EYS: variants seen among roughly 807,000 people sequenced by gnomAD.
EYS encodes the protein EGF-like photoreceptor maintenance factor, also known as protein eyes shut homolog.
A neutral mutation model predicts 282.1 loss-of-function variants in EYS; 250 were observed. That is an observed-to-expected ratio of 0.89 (90% CI 0.80 to 0.98). The LOEUF (loss-of-function observed/expected upper bound fraction) is 0.98, where lower values mean the gene tolerates loss of function less well. Among genes scored for constraint, EYS ranks in the 50% least tolerant of loss-of-function variants. EYS has a pLI of 0.00. For synonymous variants in EYS, 1,355 were observed against 1,282.9 expected, an observed-to-expected ratio of 1.06 and a Z score of -1.20; for missense variants, 4,016 against 3,709.0, an observed-to-expected ratio of 1.08 and a Z score of -2.15.
chr6:64,450,556 T>A (rs978420070), intron 26 of EYS, among the ~76,000 whole-genome samples: 1 of 152,136 alleles, frequency 6.6e-6, no homozygotes, highest in African/African-American at 2.4e-5. Flanking sequence ...AGAATATACA[T>A]TCTTTCAGCA....
intron 33 of EYS, among the ~76,000 whole-genome samples, chr6:64,061,050 G>A (rs1429921103): frequency 6.6e-6 from 1 of 152,146 alleles, no homozygotes; most frequent in Non-Finnish European, 1.5e-5. Flanking sequence ...AGGTATTAGG[G>A]TGTACCTTCA....
chr6:64,785,964 T>C (rs914175922), intron 22 of EYS, among the ~76,000 whole-genome samples: 1 of 152,158 alleles, frequency 6.6e-6, no homozygotes, highest in Admixed American at 6.5e-5. Context: ...ACCAACAAAA[T>C]AAGAATTCCT....
rs564590660 is a variant in EYS at position 65,244,812 on chromosome 6, G to A, written c.2023+51051C>T. Reference sequence around the variant, plus strand: ...GCTGGGATTACAGGCTTGAGCCACCGCGCCTGGCCCGAACTTATTTCTACC... The same window carrying A: ...GCTGGGATTACAGGCTTGAGCCACCACGCCTGGCCCGAACTTATTTCTACC... On this transcript the variant is annotated intron_variant, in intron 12 of 42. Coordinates refer to ENST00000503581, the MANE Select transcript of EYS (RefSeq NM_001142800.2). Among the ~76,000 whole-genome samples, 7 of 151,938 alleles carry A rather than the reference G, an allele frequency of 4.6e-5. No homozygotes were observed. In the South Asian group the frequency reaches 1.2e-3, roughly 27 times the overall value.
At chr6:65,619,526 C>T (rs977917404) in intron 2 of EYS, among the ~76,000 whole-genome samples, 1 of 152,142 alleles carries the variant, frequency 6.6e-6, no homozygotes, top group Non-Finnish European at 1.5e-5. Context: ...TCCTCTTTTC[C>T]TAATTGAATA....
At chr6:64,468,188 T>C (rs1008876187) in intron 26 of EYS, among the ~76,000 whole-genome samples, 1 of 152,152 alleles carries the variant, frequency 6.6e-6, no homozygotes, top group Non-Finnish European at 1.5e-5. Context: ...CTGCCTGGCA[T>C]CCTTGTTCCC....
At chr6:65,435,773 A>G (rs145860894) in intron 5 of EYS, among the ~76,000 whole-genome samples, 4 of 152,242 alleles carry the variant, frequency 2.6e-5, no homozygotes, top group African/African-American at 7.2e-5. Context: ...AGGGCCTTTA[A>G]TGATATAATT....
intron 33 of EYS, among the ~76,000 whole-genome samples, chr6:64,030,970 G>A (rs113517991): frequency 6.6e-6 from 1 of 152,222 alleles, no homozygotes; most frequent in Non-Finnish European, 1.5e-5. Context: ...AGCAGTTGGG[G>A]TGTCCTGTTT....
Position 63,762,588 on chromosome 6 carries a change from T to C in EYS, c.7944A>G (p.Thr2648=), listed in dbSNP as rs1406515203. The C allele has an allele frequency of 1.9e-6, 3 of 1,550,286 alleles. No individual in the cohort carries two copies. Among genetic ancestry groups the C allele is most frequent in the African/African-American group, 2.7e-5 (2 of 72,934 alleles). ...TGWKGSFCTE[T]VSTCDPEHDP... ...CATGTTCAGGATCACAGGTAGAAAC[T>C]GTCTCTGTGCAGAATGATCCTTTCC... The change falls in exon 41 of 43, where the codon ACA becomes ACG. Residue 2648 remains threonine, a synonymous_variant. Coordinates refer to ENST00000503581, the MANE Select transcript of EYS (RefSeq NM_001142800.2).
chr6:65,490,711 T>A lies in EYS; in HGVS notation c.749-4A>T. 6.2e-7 allele frequency: 1 copy of A among 1,602,968 alleles called. No homozygotes were observed. Among genetic ancestry groups the A allele is most frequent in the Non-Finnish European group, 8.5e-7 (1 of 1,170,670 alleles). ...ATTATTTCTGAGCAATTCTTTCCTATAACAATGAAAAAAAGTTTTTTTTAC... is the reference window on the plus strand; with the variant it reads ...ATTATTTCTGAGCAATTCTTTCCTAAAACAATGAAAAAAAGTTTTTTTTAC... On this transcript the variant is annotated splice_polypyrimidine_tract_variant and splice_region_variant and intron_variant, in intron 4 of 42. Coordinates refer to ENST00000503581, the MANE Select transcript of EYS (RefSeq NM_001142800.2).
chr6:64,388,425 T>TAATACACATA (rs1328447548), intron 29 of EYS, among the ~76,000 whole-genome samples: 27 of 152,260 alleles, frequency 1.8e-4, no homozygotes, highest in African/African-American at 6.5e-4. Context: ...TTGAGAAATG[T>TAATACACATA]AATACACATA....
At chr6:65,095,863 A>G (rs1774723427) in intron 12 of EYS, among the ~76,000 whole-genome samples, 1 of 150,700 alleles carries the variant, frequency 6.6e-6, no homozygotes, top group Admixed American at 6.6e-5. Context: ...AAAAAACGGA[A>G]AACTTTTCCT....
Position 64,262,752 on chromosome 6 carries a change from T to C in EYS, c.6192-31928A>G, listed in dbSNP as rs531544968. On this transcript the variant is annotated intron_variant, in intron 30 of 42. Transcript: ENST00000503581. The stretch of plus-strand genomic sequence containing the variant: ...CTTTTATTTTGTTTCCTGCTTGAGT[T>C]CTTACAGCCATCTAAAACTTATTTT... Among the ~76,000 whole-genome samples, 27 of 152,178 alleles carry C rather than the reference T, an allele frequency of 1.8e-4. 1 individual carries two copies. The South Asian group carries it at 5.4e-3, about 30-fold the overall frequency.
At chr6:63,797,585 T>C (rs889347767) in intron 37 of EYS, 2 of 152,288 alleles carry the variant, frequency 1.3e-5, no homozygotes, top group East Asian at 1.9e-4. Flanking sequence ...GGCAAACTTT[T>C]GGCTTCCTGT....
chr6:65,425,103 T>G (rs182964806), intron 5 of EYS, among the ~76,000 whole-genome samples: 1 of 152,130 alleles, frequency 6.6e-6, no homozygotes, highest in Admixed American at 6.6e-5. Flanking sequence ...CCTTTAGCTG[T>G]ATAAATGTAT....
chr6:63,776,163 G>A (rs1019496950), intron 40 of EYS, among the ~76,000 whole-genome samples: 1 of 152,062 alleles, frequency 6.6e-6, no homozygotes, highest in Non-Finnish European at 1.5e-5. Context: ...AAATCCCCAG[G>A]ATATGTGTTA....
At chr6:65,099,459 G>T (rs1774833042) in intron 12 of EYS, among the ~76,000 whole-genome samples, 1 of 150,544 alleles carries the variant, frequency 6.6e-6, no homozygotes, top group Admixed American at 6.6e-5. Context: ...ATAGAGAGAA[G>T]AATAATTAAA....
chr6:65,133,941 A>G (rs192920511), intron 12 of EYS, among the ~76,000 whole-genome samples: 1 of 151,916 alleles, frequency 6.6e-6, no homozygotes, highest in East Asian at 1.9e-4. Flanking sequence ...ACCCACTAAA[A>G]TGGTTGGAAA....
At chr6:64,479,197 A>G (rs115602195) in intron 26 of EYS, among the ~76,000 whole-genome samples, 2,479 of 152,130 alleles carry the variant, frequency 0.016, 22 homozygotes, top group South Asian at 0.035. Flanking sequence ...CTTTCTAATA[A>G]CATTATGGCT....
chr6:64,029,245 C>T (rs1405737555), intron 33 of EYS, among the ~76,000 whole-genome samples: 1 of 152,184 alleles, frequency 6.6e-6, no homozygotes, highest in Non-Finnish European at 1.5e-5. Context: ...TGAGTCCTTA[C>T]TCAGACTTGT....
Sources: allele counts gnomAD v4.1 joint callset (sites outside exome capture counted in the v4.1 genomes callset), GRCh38; gene constraint gnomAD v4.1.1; transcripts MANE v1.5; gene names NCBI Gene and HGNC (gene_info 2026-07-23, HGNC 2026-07-21).